The following ADAMTS6 variants were observed in gnomAD, a reference collection of about 807,000 sequenced individuals.
ADAMTS6 encodes the protein ADAM metallopeptidase with thrombospondin type 1 motif 6, also known as A disintegrin and metalloproteinase with thrombospondin motifs 6.
Under a neutral mutation model 144.3 loss-of-function variants are expected in ADAMTS6, and 23 were observed. The observed-to-expected ratio is 0.16, with a 90% confidence interval of 0.11 to 0.23. The LOEUF (loss-of-function observed/expected upper bound fraction) is 0.23. ADAMTS6 is among the 10% of genes least tolerant of loss of function. The pLI is 1.00. For missense variants in ADAMTS6, 999 were observed against 1,379.6 expected (o/e 0.72, Z 4.37); for synonymous variants, 444 against 457.5 (o/e 0.97, Z 0.38).
intron 14 of ADAMTS6, among the ~76,000 whole-genome samples, chr5:65,257,419 T>G (rs1404567208): frequency 6.6e-6 from 1 of 152,198 alleles, no homozygotes; most frequent in African/African-American, 2.4e-5. Flanking sequence ...CCTACTATTC[T>G]GGTTCTTTGA....
intron 10 of ADAMTS6, among the ~76,000 whole-genome samples, chr5:65,296,895 A>G (rs995345111): frequency 3.3e-5 from 5 of 152,160 alleles, no homozygotes; most frequent in Non-Finnish European, 5.9e-5. Flanking sequence ...AGCCCCCATA[A>G]TTTTTGAAAC....
intron 11 of ADAMTS6, among the ~76,000 whole-genome samples, chr5:65,287,012 ACTGATACTG>A (rs906810790): frequency 1.5e-4 from 23 of 152,222 alleles, no homozygotes; most frequent in Non-Finnish European, 3.1e-4. Context: ...TCTTGGACAT[ACTGATACTG>A]CTGTTTTATT....
At chr5:65,424,602 A>G (rs1756348427) in intron 7 of ADAMTS6, among the ~76,000 whole-genome samples, 1 of 152,160 alleles carries the variant, frequency 6.6e-6, no homozygotes, top group African/African-American at 2.4e-5. Flanking sequence ...AGCTCTGAGA[A>G]CATCTCACTA....
At chr5:65,346,624 G>A (rs983134782) in intron 7 of ADAMTS6, among the ~76,000 whole-genome samples, 1 of 151,234 alleles carries the variant, frequency 6.6e-6, no homozygotes, top group East Asian at 1.9e-4. Flanking sequence ...GAAGTCCTAG[G>A]CAGAGCAATT....
At chr5:65,417,447 G>A (rs142101083) in intron 7 of ADAMTS6, among the ~76,000 whole-genome samples, 12 of 152,162 alleles carry the variant, frequency 7.9e-5, no homozygotes, top group South Asian at 4.1e-4. Context: ...CTATCTCTGC[G>A]CATAGGATGA....
chr5:65,252,079 T>C (rs145936630), intron 14 of ADAMTS6, among the ~76,000 whole-genome samples: 1 of 152,330 alleles, frequency 6.6e-6, no homozygotes, highest in East Asian at 1.9e-4. Context: ...AATTTCTCCA[T>C]TAACCTAAGC....
At chr5:65,208,928 A>G (rs940417428) in intron 20 of ADAMTS6, among the ~76,000 whole-genome samples, 4 of 152,198 alleles carry the variant, frequency 2.6e-5, no homozygotes, top group Non-Finnish European at 2.9e-5. Context: ...GGAAACTTAG[A>G]AATGTAAATT....
intron 14 of ADAMTS6, among the ~76,000 whole-genome samples, chr5:65,246,285 C>T (rs777413101): frequency 1.3e-5 from 2 of 152,142 alleles, no homozygotes; most frequent in African/African-American, 2.4e-5. Context: ...GGCTTTCCTA[C>T]GGGCACATCA....
At chr5:65,470,638 A>G in intron 3 of ADAMTS6, 140 bp downstream of exon 3, 1 of 587,234 alleles carries the variant, frequency 1.7e-6, no homozygotes, top group Non-Finnish European at 2.4e-6. Context: ...CAGCAGAAAT[A>G]GCAAAAAATT....
intron 7 of ADAMTS6, among the ~76,000 whole-genome samples, chr5:65,400,966 T>G (rs2150163770): frequency 6.6e-6 from 1 of 152,332 alleles, no homozygotes; most frequent in East Asian, 1.9e-4. Context: ...GTTTACATTC[T>G]CCATTAACAC....
intron 7 of ADAMTS6, among the ~76,000 whole-genome samples, chr5:65,427,499 C>A (rs1756642392): frequency 6.6e-6 from 1 of 152,052 alleles, no homozygotes; most frequent in African/African-American, 2.4e-5. Context: ...AGCAGATAAA[C>A]AAATTCAGCT....
intron 7 of ADAMTS6, among the ~76,000 whole-genome samples, chr5:65,365,441 T>C (rs1043005302): frequency 4.0e-5 from 6 of 151,788 alleles, no homozygotes; most frequent in African/African-American, 1.5e-4. Context: ...AGGTCAGGAG[T>C]TTGAGATCAG....
At chr5:65,439,961 T>C (rs939793114) in intron 7 of ADAMTS6, among the ~76,000 whole-genome samples, 6 of 152,154 alleles carry the variant, frequency 3.9e-5, no homozygotes, top group East Asian at 1.9e-4. Context: ...TGCGCCACCA[T>C]ACCCAGCTAA....
intron 3 of ADAMTS6, 109 bp downstream of exon 3, chr5:65,470,665 CTACT>C (rs1760359883): frequency 2.1e-5 from 17 of 815,792 alleles, no homozygotes; most frequent in Admixed American, 4.3e-5. Context: ...TATTACCTTC[CTACT>C]TAAACTACCT....
chr5:65,306,807 T>C (rs1040260625), intron 9 of ADAMTS6, among the ~76,000 whole-genome samples: 1 of 152,234 alleles, frequency 6.6e-6, no homozygotes, highest in African/African-American at 2.4e-5. Flanking sequence ...TTTATACGCT[T>C]ATTGACATCT....
intron 10 of ADAMTS6, among the ~76,000 whole-genome samples, chr5:65,294,634 T>A (rs1028574384): frequency 6.6e-6 from 1 of 152,218 alleles, no homozygotes; most frequent in Non-Finnish European, 1.5e-5. Context: ...TAATTATTAG[T>A]TACTAATTAA....
At chr5:65,357,356 G>T (rs1749413829) in intron 7 of ADAMTS6, among the ~76,000 whole-genome samples, 1 of 151,548 alleles carries the variant, frequency 6.6e-6, no homozygotes, top group Admixed American at 6.6e-5. Flanking sequence ...CTTATGGGAT[G>T]CACACTCTTA....
chr5:65,406,447 G>A (rs1432892778), intron 7 of ADAMTS6, among the ~76,000 whole-genome samples: 2 of 152,042 alleles, frequency 1.3e-5, no homozygotes, highest in South Asian at 2.1e-4. Context: ...GATGGATTAC[G>A]TTTATTGATT....
intron 15 of ADAMTS6, among the ~76,000 whole-genome samples, chr5:65,240,877 G>T (rs1759117275): frequency 6.6e-6 from 1 of 152,170 alleles, no homozygotes. Context: ...TTTTAAGTAT[G>T]TGCATTGGTC....
Sources: gnomAD v4.1 joint callset for allele counts (sites outside exome capture counted in the v4.1 genomes callset) on GRCh38, gnomAD v4.1.1 for gene constraint, MANE v1.5 for transcripts, NCBI Gene and HGNC (gene_info 2026-07-23, HGNC 2026-07-21) for gene names.